TENM4: variants seen among roughly 807,000 people sequenced by gnomAD.
The protein encoded by TENM4 is teneurin-4.
In TENM4, 82 loss-of-function variants were observed where a neutral mutation model predicts 243.3. The observed-to-expected ratio is 0.34, with a 90% CI of 0.28 to 0.40. The LOEUF is 0.40. Among genes scored for constraint, TENM4 ranks in the 10% least tolerant of loss-of-function variants. TENM4 has a pLI of 1.00. For synonymous variants in TENM4, 1,412 were observed against 1,456.3 expected, an observed-to-expected ratio of 0.97 and a Z score of 0.69; for missense variants, 3,138 against 3,673.3, an observed-to-expected ratio of 0.85 and a Z score of 3.77.
intron 22 of TENM4, among the ~76,000 whole-genome samples, chr11:78,727,609 G>A (rs1270827151): frequency 1.3e-5 from 2 of 152,048 alleles, no homozygotes; most frequent in East Asian, 3.9e-4. Context: ...TATAGAAAAG[G>A]AACTTAGTTG....
In TENM4 at chr11:79,230,995, G is replaced by A. The variant is rs554401797; in HGVS notation, c.-264-15086C>T. On this transcript the variant is annotated intron_variant, in intron 2 of 33. Transcript: ENST00000278550. ...CGGACTCACTGGGGTTGGGGAAAAG[G>A]TATGTGTTACCTGGGGAAACCCACT... Among the ~76,000 whole-genome samples the A allele has an allele frequency of 9.2e-5, 14 of 152,334 alleles. 1 individual carries two copies. In the South Asian group the frequency reaches 1.7e-3, roughly 18 times the overall value.
chr11:78,942,552 G>T (rs1856922622), intron 6 of TENM4, among the ~76,000 whole-genome samples: 1 of 152,130 alleles, frequency 6.6e-6, no homozygotes, highest in Non-Finnish European at 1.5e-5. Flanking sequence ...GGCGGCCTGT[G>T]GGCCAAGGGT....
chr11:79,026,407 A>G (rs1859079401), intron 6 of TENM4, among the ~76,000 whole-genome samples: 1 of 152,176 alleles, frequency 6.6e-6, no homozygotes, highest in African/African-American at 2.4e-5. Flanking sequence ...TGCCCAAGGA[A>G]GCGAGTGGAA....
chr11:79,011,946 C>T (rs1458890862), intron 6 of TENM4, among the ~76,000 whole-genome samples: 1 of 152,120 alleles, frequency 6.6e-6, no homozygotes, highest in African/African-American at 2.4e-5. Flanking sequence ...CCCCCTTTTC[C>T]CTGGATGTAG....
At position 78,672,231 on chromosome 11, in the gene TENM4, G is replaced by C; in HGVS notation, c.5595C>G (p.Tyr1865Ter). The change falls in exon 31 of 34, where the codon TAC becomes TAG. Residue 1865 changes from tyrosine (Y) to a stop codon, truncating the protein, a stop_gained. Coordinates refer to ENST00000278550, the MANE Select transcript of TENM4 (RefSeq NM_001098816.3). LOFTEE classifies it high-confidence loss of function. ...DHRKFTLRILYDQAGRPSLWS... is the reference protein window; with the variant it reads ...DHRKFTLRIL ...AGAGGCTGGGCCGCCCCGCCTGGTC[G>C]TACAGAATCCGAAGGGTGAACTTGC... The C allele has an allele frequency of 6.2e-7, 1 of 1,614,050 alleles. No individual in the cohort carries two copies. Among genetic ancestry groups the C allele is most frequent in the East Asian group, 2.2e-5 (1 of 44,886 alleles).
chr11:79,256,172 T>C (rs1468712151), intron 2 of TENM4, among the ~76,000 whole-genome samples: 1 of 152,206 alleles, frequency 6.6e-6, no homozygotes, highest in Middle Eastern at 3.2e-3. Context: ...CTGTCCAGCA[T>C]CTTCTCCTGT....
At chr11:79,226,597 A>G (rs1864270747) in intron 2 of TENM4, among the ~76,000 whole-genome samples, 1 of 152,212 alleles carries the variant, frequency 6.6e-6, no homozygotes, top group Non-Finnish European at 1.5e-5. Flanking sequence ...CCACCATAGT[A>G]TGAATGAACA....
chr11:79,022,546 G>A (rs1415551585), intron 6 of TENM4, among the ~76,000 whole-genome samples: 2 of 152,212 alleles, frequency 1.3e-5, no homozygotes, highest in East Asian at 3.8e-4. Context: ...ACCTTTCAGT[G>A]TGGCAGTGGC....
intron 32 of TENM4, among the ~76,000 whole-genome samples, chr11:78,666,806 A>T (rs529648496): frequency 6.6e-6 from 1 of 152,308 alleles, no homozygotes; most frequent in South Asian, 2.1e-4. Context: ...GTTGTTGCAA[A>T]GTTTAAAGGA....
At chr11:79,079,546 T>A (rs1177988969) in intron 4 of TENM4, among the ~76,000 whole-genome samples, 1 of 152,172 alleles carries the variant, frequency 6.6e-6, no homozygotes, top group Non-Finnish European at 1.5e-5. Context: ...GAAAATGTGT[T>A]AGGCTGGGCA....
At chr11:78,984,111 A>G (rs1253533087) in intron 6 of TENM4, among the ~76,000 whole-genome samples, 1 of 152,142 alleles carries the variant, frequency 6.6e-6, no homozygotes, top group Non-Finnish European at 1.5e-5. Context: ...GAAGCAGGCT[A>G]GAGACTCAGG....
chr11:78,698,807 G>C (rs191155118), intron 28 of TENM4, among the ~76,000 whole-genome samples: 1 of 152,220 alleles, frequency 6.6e-6, no homozygotes, highest in Non-Finnish European at 1.5e-5. Flanking sequence ...TGAGTCACAT[G>C]GCTCGCAGCC....
At position 78,805,376 on chromosome 11, in the gene TENM4, G is replaced by A. The variant is rs1159630807; in HGVS notation, c.2095C>T (p.Gln699Ter). 1 of 1,541,336 alleles carries A rather than the reference G, an allele frequency of 6.5e-7. No homozygotes were observed. The highest frequency in any genetic ancestry group is 8.7e-7 in the Non-Finnish European group (1 of 1,148,912). Residue 699 changes from glutamine to a stop codon, truncating the protein, a stop_gained, in exon 15 of 34, where the codon CAG becomes TAG. Transcript: ENST00000278550. LOFTEE classifies it high-confidence loss of function. ...AGGAAGGTTCCGTGGCCTGAACACT[G>A]GTCTAAGCATGTGGCCCTGGGGGTC... Reference protein sequence around the residue: ...CETPRATCLDQCSGHGTFLPD... With the variant: ...CETPRATCLD
chr11:78,676,129 C>A (rs1394808729), intron 30 of TENM4, 23 bp downstream of exon 30: 30 of 1,470,734 alleles, frequency 2.0e-5, no homozygotes, highest in Non-Finnish European at 2.7e-5. Flanking sequence ...CAGGACGCAG[C>A]CACCTCCAGA....
chr11:78,811,919 C>CCCCT (rs1479688524), intron 14 of TENM4, among the ~76,000 whole-genome samples: 1 of 152,220 alleles, frequency 6.6e-6, no homozygotes, highest in African/African-American at 2.4e-5. Flanking sequence ...TGACATTTCT[C>CCCCT]CCCTTCATTG....
At chr11:79,102,237 A>T (rs770251261) in intron 4 of TENM4, among the ~76,000 whole-genome samples, 2 of 152,238 alleles carry the variant, frequency 1.3e-5, no homozygotes, top group Non-Finnish European at 2.9e-5. Flanking sequence ...TGAGGGAAAA[A>T]TAAACAGAAG....
At chr11:78,978,717 T>C (rs1467871249) in intron 6 of TENM4, among the ~76,000 whole-genome samples, 1 of 152,214 alleles carries the variant, frequency 6.6e-6, no homozygotes, top group Non-Finnish European at 1.5e-5. Context: ...TGAATGTTTT[T>C]GTTTCTTGTA....
At chr11:79,030,241 G>A (rs894288936) in intron 6 of TENM4, among the ~76,000 whole-genome samples, 93 of 152,288 alleles carry the variant, frequency 6.1e-4, no homozygotes, top group African/African-American at 2.2e-3. Context: ...ACTGATGGGA[G>A]GATGTAGCTT....
At chr11:78,793,718 T>C (rs189255864) in intron 15 of TENM4, among the ~76,000 whole-genome samples, 1 of 152,350 alleles carries the variant, frequency 6.6e-6, no homozygotes, top group East Asian at 1.9e-4. Flanking sequence ...CTCATTAAAT[T>C]CTCTCAATAG....
Sources: allele counts gnomAD v4.1 joint callset (sites outside exome capture counted in the v4.1 genomes callset), GRCh38; gene constraint gnomAD v4.1.1; transcripts MANE v1.5; gene names NCBI Gene and HGNC (gene_info 2026-07-23, HGNC 2026-07-21).